The following PRKAR1A variants were observed in gnomAD, a reference collection of about 807,000 sequenced individuals.
PRKAR1A encodes protein kinase cAMP-dependent type I regulatory subunit alpha, also known as cAMP-dependent protein kinase type I-alpha regulatory subunit.
Under a neutral mutation model 52.0 loss-of-function variants are expected in PRKAR1A, and 3 were observed. The observed-to-expected ratio is 0.06, with a 90% CI of 0.03 to 0.15. PRKAR1A has a LOEUF of 0.15. Among genes scored for constraint, PRKAR1A ranks in the 10% least tolerant of loss-of-function variants. The probability of loss-of-function intolerance (pLI) is 1.00; values close to 1 mark genes in which losing one functional copy is unlikely to be tolerated. For synonymous variants in PRKAR1A, 188 were observed against 168.4 expected (o/e 1.12, Z -0.90); for missense variants, 240 against 477.4 (o/e 0.50, Z 4.63).
At chr17:68,444,263 G>A in the PRKAR1A span, among the ~76,000 whole-genome samples, 1 of 152,182 alleles carries the variant, frequency 6.6e-6, no homozygotes, top group South Asian at 2.1e-4. Context: ...CCCAGACAAA[G>A]GGTGTTGTTA....
chr17:68,416,003 C>T, the PRKAR1A span, among the ~76,000 whole-genome samples: 1 of 152,182 alleles, frequency 6.6e-6, no homozygotes, highest in African/African-American at 2.4e-5. Flanking sequence ...AGCATTTAGA[C>T]CATTTACATT....
chr17:68,420,422 T>G, the PRKAR1A span: 1 of 1,614,234 alleles, frequency 6.2e-7, no homozygotes, highest in Non-Finnish European at 8.5e-7. Context: ...AACTCCCTGC[T>G]GTAATCCCTA....
the PRKAR1A span, among the ~76,000 whole-genome samples, chr17:68,503,330 G>C: frequency 6.6e-6 from 1 of 152,114 alleles, no homozygotes; most frequent in Non-Finnish European, 1.5e-5. Flanking sequence ...CAAAGCAAAA[G>C]GTACTTTTGC....
At chr17:68,468,369 G>A in the PRKAR1A span, among the ~76,000 whole-genome samples, 2 of 152,194 alleles carry the variant, frequency 1.3e-5, no homozygotes, top group Admixed American at 1.3e-4. Flanking sequence ...GAGGCAGGCT[G>A]TAATGGAAAA....
intron 2 of PRKAR1A, among the ~76,000 whole-genome samples, chr17:68,522,194 T>C (rs1253316640): frequency 2.6e-5 from 4 of 152,206 alleles, no homozygotes; most frequent in African/African-American, 9.6e-5. Context: ...CTCAGGACCC[T>C]CTCCTATTTG....
chr17:68,467,965 G>C, the PRKAR1A span, among the ~76,000 whole-genome samples: 1 of 151,978 alleles, frequency 6.6e-6, no homozygotes, highest in African/African-American at 2.4e-5. Context: ...TGCCATCATG[G>C]CTCACTGCAG....
At chr17:68,492,047 T>TA in the PRKAR1A span, among the ~76,000 whole-genome samples, 3 of 152,212 alleles carry the variant, frequency 2.0e-5, no homozygotes, top group African/African-American at 7.2e-5. Context: ...TCTCAGGAGA[T>TA]ATCCGCAAGG....
chr17:68,506,057 C>T, the PRKAR1A span, among the ~76,000 whole-genome samples: 1 of 152,158 alleles, frequency 6.6e-6, no homozygotes, highest in East Asian at 1.9e-4. Flanking sequence ...CAGAAGACAT[C>T]CACGCCCATT....
downstream of PRKAR1A, chr17:68,537,680 C>T (rs1318457147): frequency 9.3e-6 from 15 of 1,613,582 alleles, no homozygotes; most frequent in East Asian, 8.9e-5. This position sits in a 1 kb window ranked among gnomAD's most constrained non-coding sequence, Gnocchi z 4.2. Context: ...CGCATCACAT[C>T]GCTGAGTCTG....
the PRKAR1A span, among the ~76,000 whole-genome samples, chr17:68,486,756 T>C: frequency 6.6e-6 from 1 of 151,880 alleles, no homozygotes; most frequent in East Asian, 1.9e-4. Flanking sequence ...AAAATCTGGT[T>C]CCATTGCTAA....
chr17:68,542,184 A>G, intron 11 of PRKAR1A: 1 of 1,613,426 alleles, frequency 6.2e-7, no homozygotes, highest in Non-Finnish European at 8.5e-7. Flanking sequence ...TGGGGAGGAG[A>G]GAGGAGGAGT....
chr17:68,520,662 A>G (rs1013074516), intron 2 of PRKAR1A, among the ~76,000 whole-genome samples: 1 of 152,022 alleles, frequency 6.6e-6, no homozygotes, highest in African/African-American at 2.4e-5. Context: ...ATACTAGAAA[A>G]CTCATGATCT....
chr17:68,457,653 C>T, the PRKAR1A span: 1 of 312,958 alleles, frequency 3.2e-6, no homozygotes, highest in Non-Finnish European at 5.6e-6. Flanking sequence ...TCCCGAGGAC[C>T]AGAGCACCTG....
At chr17:68,481,519 A>G in the PRKAR1A span, among the ~76,000 whole-genome samples, 10 of 152,184 alleles carry the variant, frequency 6.6e-5, no homozygotes, top group Non-Finnish European at 1.3e-4. Flanking sequence ...ACAGTTCACA[A>G]TAGGGTTCTT....
At chr17:68,542,848 C>G in intron 11 of PRKAR1A, 1 of 1,504,492 alleles carries the variant, frequency 6.6e-7, no homozygotes, top group East Asian at 2.3e-5. Flanking sequence ...GAGGGATGAT[C>G]AGGGAGTGAG....
chr17:68,515,192 G>A (rs1027296426), intron 1 of PRKAR1A: 2 of 604,416 alleles, frequency 3.3e-6, no homozygotes, highest in Non-Finnish European at 5.8e-6. Context: ...CACAGATCCT[G>A]AACTAAATGA....
At chr17:68,500,293 C>A in the PRKAR1A span, among the ~76,000 whole-genome samples, 2 of 152,150 alleles carry the variant, frequency 1.3e-5, no homozygotes, top group Non-Finnish European at 2.9e-5. Context: ...ATCATGGGGG[C>A]GGTTCCCCCA....
downstream of PRKAR1A, chr17:68,535,789 G>A (rs1224775629): frequency 4.4e-6 from 2 of 453,898 alleles, no homozygotes; most frequent in East Asian, 7.0e-5. Context: ...GATTACAGGT[G>A]TGAGCCCATG....
chr17:68,424,923 A>G, the PRKAR1A span, among the ~76,000 whole-genome samples: 1 of 152,232 alleles, frequency 6.6e-6, no homozygotes, highest in Non-Finnish European at 1.5e-5. Context: ...AAATGATTTC[A>G]GGTTGACTAT....
Sources: gnomAD v4.1 joint callset for allele counts (sites outside exome capture counted in the v4.1 genomes callset) on GRCh38, gnomAD v4.1.1 for gene constraint, Gnocchi (gnomAD v3.1) non-coding constraint, MANE v1.5 for transcripts, NCBI Gene and HGNC (gene_info 2026-07-23, HGNC 2026-07-21) for gene names.